The following VAV3 variants were observed in gnomAD, a reference collection of about 807,000 sequenced individuals.
VAV3 encodes vav guanine nucleotide exchange factor 3.
VAV3 carries 94 observed loss-of-function variants against 131.2 expected under a neutral mutation model. The ratio of observed to expected loss-of-function variants is 0.72; its 90% confidence interval spans 0.61 to 0.85. VAV3 has a LOEUF of 0.85. Ranked by LOEUF, VAV3 falls within the 40% of genes least tolerant of loss-of-function variation. The pLI, the probability that VAV3 is intolerant of heterozygous loss-of-function variation, is 0.00. For synonymous variants in VAV3, 349 were observed against 342.0 expected, an observed-to-expected ratio of 1.02 and a Z score of -0.22; for missense variants, 939 against 1,002.7, an observed-to-expected ratio of 0.94 and a Z score of 0.86.
At position 107,714,766 on chromosome 1, in the gene VAV3, C is replaced by T. The variant is rs529763823; in HGVS notation, c.1503-9705G>A. Reference sequence around the variant, plus strand: ...AAGGGACATCTTCACCTATTCCTTTCCTTATATTCCAAATCACGTACAGTC... The same window carrying T: ...AAGGGACATCTTCACCTATTCCTTTTCTTATATTCCAAATCACGTACAGTC... On this transcript the variant is annotated intron_variant, in intron 15 of 26. Coordinates refer to ENST00000370056, the MANE Select transcript of VAV3 (RefSeq NM_006113.5). Among the ~76,000 whole-genome samples the T allele has an allele frequency of 2.0e-5, 3 of 152,204 alleles. No individual in the cohort carries two copies. The South Asian group carries it at 6.2e-4, about 32-fold the overall frequency.
chr1:107,748,175 T>C (rs977499628), intron 15 of VAV3, among the ~76,000 whole-genome samples: 6 of 152,200 alleles, frequency 3.9e-5, no homozygotes, highest in Non-Finnish European at 8.8e-5. Context: ...CAACAAATGG[T>C]ATATAATCTT....
chr1:107,956,003 C>T (rs893597736), intron 1 of VAV3, among the ~76,000 whole-genome samples: 5 of 152,192 alleles, frequency 3.3e-5, no homozygotes, highest in African/African-American at 4.8e-5. Context: ...AAGGGAACAA[C>T]GGCATACATG....
At chr1:107,702,483 G>C (rs764009023) in intron 17 of VAV3, among the ~76,000 whole-genome samples, 1 of 152,060 alleles carries the variant, frequency 6.6e-6, no homozygotes, top group Non-Finnish European at 1.5e-5. Context: ...TGTGAAGCTA[G>C]GATTCAAACA....
intron 2 of VAV3, among the ~76,000 whole-genome samples, chr1:107,797,381 G>T (rs2102290637): frequency 6.6e-6 from 1 of 152,280 alleles, no homozygotes; most frequent in Non-Finnish European, 1.5e-5. Flanking sequence ...TCTACTAGGT[G>T]TCAGGGATGA....
chr1:107,810,981 G>A (rs1232420682), intron 2 of VAV3, among the ~76,000 whole-genome samples: 1 of 152,132 alleles, frequency 6.6e-6, no homozygotes, highest in Non-Finnish European at 1.5e-5. Context: ...TAACAGACTA[G>A]AAGATACTCT....
At chr1:107,869,407 A>C (rs1014405045) in intron 2 of VAV3, among the ~76,000 whole-genome samples, 3 of 152,212 alleles carry the variant, frequency 2.0e-5, no homozygotes, top group South Asian at 2.1e-4. Context: ...TGAATCCCAC[A>C]ATCATTAAAA....
rs141932030 is a variant in VAV3, at chr1:107,885,209, C to T, written c.205-10192G>A. 8.2e-4 allele frequency among the ~76,000 whole-genome samples: 124 copies of T among 152,072 alleles called. 2 individuals are homozygous for T. Among genetic ancestry groups the T allele is most frequent in the African/African-American group, 2.7e-3 (111 of 41,492 alleles). The stretch of plus-strand genomic sequence containing the variant: ...GCTGGGGTTTTTCCTCATTAGAGTA[C>T]AACATTCAAAATGAGGGAAAAGGTG... On this transcript the variant is annotated intron_variant, in intron 1 of 26. Transcript: ENST00000370056.
At chr1:107,817,055 CA>C (rs1667590319) in intron 2 of VAV3, among the ~76,000 whole-genome samples, 1 of 152,154 alleles carries the variant, frequency 6.6e-6, no homozygotes, top group African/African-American at 2.4e-5. Context: ...CTAAAAGATG[CA>C]AGAGACTCTA....
intron 15 of VAV3, among the ~76,000 whole-genome samples, chr1:107,738,790 T>C (rs1159071322): frequency 6.6e-6 from 1 of 152,142 alleles, no homozygotes; most frequent in East Asian, 1.9e-4. Flanking sequence ...GGAGACTTTG[T>C]CATATACTTG....
At chr1:107,895,523 T>C (rs1431680001) in intron 1 of VAV3, among the ~76,000 whole-genome samples, 2 of 152,166 alleles carry the variant, frequency 1.3e-5, no homozygotes, top group Non-Finnish European at 1.5e-5. Flanking sequence ...TGTTAAATAG[T>C]TGCCCAATGT....
At chr1:107,675,409 TTAG>T (rs66747247) in intron 19 of VAV3, among the ~76,000 whole-genome samples, 34,195 of 151,968 alleles carry the variant, frequency 0.23, 4,411 homozygotes, top group African/African-American at 0.35. Flanking sequence ...ATATAGCTAG[TTAG>T]TAGAGAGGCA....
Position 107,819,031 on chromosome 1 carries a change from T to C in VAV3, c.322-39539A>G, listed in dbSNP as rs548657591. Among the ~76,000 whole-genome samples the C allele has an allele frequency of 4.6e-5, 7 of 152,320 alleles. No individual in the cohort carries two copies. The East Asian group carries it at 1.2e-3, about 25-fold the overall frequency. ...AGTTTTTTGTTTGTTATCTTAAATATTAGTGATCCCTGTTTTTAACTCAAG... is the reference window on the plus strand; with the variant it reads ...AGTTTTTTGTTTGTTATCTTAAATACTAGTGATCCCTGTTTTTAACTCAAG... On this transcript the variant is annotated intron_variant, in intron 2 of 26. Transcript: ENST00000370056.
chr1:107,847,814 G>A (rs1669040303), intron 2 of VAV3, among the ~76,000 whole-genome samples: 1 of 152,170 alleles, frequency 6.6e-6, no homozygotes, highest in South Asian at 2.1e-4. Flanking sequence ...GGACCAGAGA[G>A]ATTCACAGCT....
intron 2 of VAV3, among the ~76,000 whole-genome samples, chr1:107,861,928 A>G (rs1669757986): frequency 6.6e-6 from 1 of 151,520 alleles, no homozygotes; most frequent in Non-Finnish European, 1.5e-5. Flanking sequence ...TTCAGTGGGG[A>G]GTGTTCTGAA....
At chr1:107,654,013 G>C (rs1656363616) in intron 19 of VAV3, among the ~76,000 whole-genome samples, 1 of 152,084 alleles carries the variant, frequency 6.6e-6, no homozygotes, top group Admixed American at 6.6e-5. Flanking sequence ...CTGTGTCAAA[G>C]AAGGTTCTTA....
intron 15 of VAV3, among the ~76,000 whole-genome samples, chr1:107,744,519 G>A (rs1182447093): frequency 6.6e-6 from 1 of 152,042 alleles, no homozygotes; most frequent in Non-Finnish European, 1.5e-5. Flanking sequence ...GAATCTACCT[G>A]TTTCTACCAC....
At chr1:107,898,664 G>C (rs1007104099) in intron 1 of VAV3, among the ~76,000 whole-genome samples, 2 of 152,090 alleles carry the variant, frequency 1.3e-5, no homozygotes, top group Non-Finnish European at 2.9e-5. Context: ...TAATGACACA[G>C]ATACTTCACA....
intron 15 of VAV3, among the ~76,000 whole-genome samples, chr1:107,706,962 T>C (rs1365013862): frequency 1.3e-5 from 2 of 152,152 alleles, no homozygotes; most frequent in Admixed American, 6.5e-5. Context: ...ACCGGAGTTG[T>C]GTTTGGACCA....
chr1:107,874,113 C>T (rs537987655), intron 2 of VAV3, among the ~76,000 whole-genome samples: 38 of 152,254 alleles, frequency 2.5e-4, no homozygotes, highest in African/African-American at 9.1e-4. Flanking sequence ...TCCTTATTTG[C>T]TTATTTTCAT....
Sources: gnomAD v4.1 joint callset for allele counts (sites outside exome capture counted in the v4.1 genomes callset) on GRCh38, gnomAD v4.1.1 for gene constraint, MANE v1.5 for transcripts, NCBI Gene and HGNC (gene_info 2026-07-23, HGNC 2026-07-21) for gene names.